Variants in MAGI2 observed in about 807,000 individuals in gnomAD.
MAGI2 encodes the protein membrane associated guanylate kinase, WW and PDZ domain containing 2, also known as membrane-associated guanylate kinase, WW and PDZ domain-containing protein 2.
MAGI2 carries 35 observed loss-of-function variants against 133.3 expected under a neutral mutation model. The ratio of observed to expected loss-of-function variants is 0.26; its 90% CI spans 0.20 to 0.35. The LOEUF (loss-of-function observed/expected upper bound fraction) is 0.35. Ranked by LOEUF, MAGI2 falls within the 10% of genes least tolerant of loss-of-function variation. The pLI, the probability that MAGI2 is intolerant of heterozygous loss-of-function variation, is 1.00. For synonymous variants in MAGI2, 729 were observed against 710.6 expected (o/e 1.03, Z -0.41); for missense variants, 1,636 against 1,863.4 (o/e 0.88, Z 2.25).
At chr7:78,613,535 T>C (rs911874008) in intron 3 of MAGI2, among the ~76,000 whole-genome samples, 2 of 152,228 alleles carry the variant, frequency 1.3e-5, no homozygotes, top group African/African-American at 4.8e-5. Context: ...CAAAGGACTC[T>C]TGATTCTCAG....
intron 2 of MAGI2, among the ~76,000 whole-genome samples, chr7:78,665,277 T>C (rs1585017356): frequency 6.6e-6 from 1 of 152,236 alleles, no homozygotes; most frequent in Non-Finnish European, 1.5e-5. Flanking sequence ...ACAATTTTCA[T>C]ACATGAAGTA....
At chr7:78,815,518 T>TA (rs1789491643) in intron 2 of MAGI2, among the ~76,000 whole-genome samples, 1 of 152,150 alleles carries the variant, frequency 6.6e-6, no homozygotes, top group Admixed American at 6.5e-5. Context: ...CTTTTTTTTT[T>TA]ACCCAAATTG....
chr7:78,041,219 G>C (rs1810800024), intron 21 of MAGI2, among the ~76,000 whole-genome samples: 1 of 152,168 alleles, frequency 6.6e-6, no homozygotes, highest in African/African-American at 2.4e-5. Context: ...GAGGCTCCTT[G>C]GGTTGGGATA....
At chr7:78,622,346 A>G (rs1807836829) in intron 3 of MAGI2, among the ~76,000 whole-genome samples, 1 of 152,062 alleles carries the variant, frequency 6.6e-6, no homozygotes, top group African/African-American at 2.4e-5. Context: ...TCTGACCTAG[A>G]ACTCTAAACA....
intron 16 of MAGI2, among the ~76,000 whole-genome samples, chr7:78,148,073 A>G (rs1280055664): frequency 6.6e-6 from 1 of 152,154 alleles, no homozygotes. Flanking sequence ...TCCACACACA[A>G]AAAGACCTAT....
chr7:79,245,676 T>C (rs1053785557), intron 1 of MAGI2, among the ~76,000 whole-genome samples: 2 of 152,164 alleles, frequency 1.3e-5, no homozygotes, highest in African/African-American at 4.8e-5. Context: ...CTAGATGGCA[T>C]CTCTGGACCC....
chr7:78,047,334 A>G (rs1584937552), intron 21 of MAGI2, among the ~76,000 whole-genome samples: 1 of 152,178 alleles, frequency 6.6e-6, no homozygotes, highest in Non-Finnish European at 1.5e-5. Context: ...TGGGGAGGAG[A>G]AAATGAACAG....
intron 1 of MAGI2, among the ~76,000 whole-genome samples, chr7:79,345,389 C>A (rs995926838): frequency 2.0e-5 from 3 of 152,002 alleles, no homozygotes; most frequent in Admixed American, 6.6e-5. Context: ...GGAACCAACC[C>A]TACTGACAGT....
intron 2 of MAGI2, among the ~76,000 whole-genome samples, chr7:78,735,049 T>C (rs1000124527): frequency 6.6e-6 from 1 of 152,218 alleles, no homozygotes; most frequent in Non-Finnish European, 1.5e-5. Context: ...AATTGGCTTT[T>C]TGTAAAGACT....
At chr7:79,038,444 A>G (rs1451068536) in intron 1 of MAGI2, among the ~76,000 whole-genome samples, 2 of 152,130 alleles carry the variant, frequency 1.3e-5, no homozygotes, top group East Asian at 1.9e-4. Flanking sequence ...TTTATGGCCA[A>G]TAGAAGCCTC....
At chr7:78,934,082 T>G (rs1800338450) in intron 2 of MAGI2, among the ~76,000 whole-genome samples, 2 of 152,170 alleles carry the variant, frequency 1.3e-5, no homozygotes, top group South Asian at 4.1e-4. Context: ...ACTGTGCTGC[T>G]TAGTTATCCA....
chr7:78,088,397 C>T (rs1167835585), intron 20 of MAGI2, among the ~76,000 whole-genome samples: 1 of 152,162 alleles, frequency 6.6e-6, no homozygotes, highest in Non-Finnish European at 1.5e-5. Flanking sequence ...CAGTCCTAGA[C>T]CTGACAAGTT....
chr7:79,130,730 T>G (rs769852087), intron 1 of MAGI2, among the ~76,000 whole-genome samples: 4 of 152,240 alleles, frequency 2.6e-5, no homozygotes, highest in Admixed American at 6.5e-5. Flanking sequence ...CAATTTTCAC[T>G]CATGACCTTC....
intron 3 of MAGI2, among the ~76,000 whole-genome samples, chr7:78,524,054 A>C (rs1796740264): frequency 6.6e-6 from 1 of 150,800 alleles, no homozygotes. Flanking sequence ...TTTCTAGGGA[A>C]AAAAAAAAAT....
intron 8 of MAGI2, among the ~76,000 whole-genome samples, chr7:78,345,130 T>C (rs12705409): frequency 0.48 from 72,356 of 152,068 alleles, 17,721 homozygotes; most frequent in Non-Finnish European, 0.53. Context: ...ACATATCACA[T>C]GTATCTTTAT....
intron 2 of MAGI2, among the ~76,000 whole-genome samples, chr7:78,666,011 G>C (rs865898459): frequency 2.0e-5 from 3 of 152,142 alleles, no homozygotes; most frequent in South Asian, 4.1e-4. Context: ...CGGGCAGTTA[G>C]AGAAAGTATG....
At chr7:79,438,072 G>A (rs886793379) in intron 1 of MAGI2, among the ~76,000 whole-genome samples, 1 of 151,920 alleles carries the variant, frequency 6.6e-6, no homozygotes, top group African/African-American at 2.4e-5. Context: ...TCTTCTAATG[G>A]GACTACAGCT....
intron 6 of MAGI2, among the ~76,000 whole-genome samples, chr7:78,418,580 G>A (rs1414788582): frequency 6.6e-6 from 1 of 152,098 alleles, no homozygotes; most frequent in African/African-American, 2.4e-5. Context: ...ATGAGAAAAT[G>A]AATTTTAATT....
intron 4 of MAGI2, among the ~76,000 whole-genome samples, chr7:78,506,188 A>C (rs1763260302): frequency 6.6e-6 from 1 of 152,170 alleles, no homozygotes; most frequent in South Asian, 2.1e-4. Context: ...AGATGGAAAG[A>C]AGCAGATTAA....
Sources: allele counts gnomAD v4.1 joint callset (sites outside exome capture counted in the v4.1 genomes callset), GRCh38; gene constraint gnomAD v4.1.1; transcripts MANE v1.5; gene names NCBI Gene and HGNC (gene_info 2026-07-23, HGNC 2026-07-21).